Variants in PDE3B observed in about 807,000 individuals in gnomAD.
PDE3B encodes the protein cGMP-inhibited 3',5'-cyclic phosphodiesterase 3B.
A neutral mutation model predicts 116.8 loss-of-function variants in PDE3B; 66 were observed. The ratio of observed to expected loss-of-function variants is 0.56; its 90% CI spans 0.46 to 0.69. The LOEUF is 0.69. PDE3B is among the 30% of genes least tolerant of loss of function. PDE3B has a pLI of 0.00. For missense variants in PDE3B, 1,384 were observed against 1,368.1 expected (o/e 1.01, Z -0.18); for synonymous variants, 595 against 533.6 (o/e 1.12, Z -1.59).
intron 1 of PDE3B, among the ~76,000 whole-genome samples, chr11:14,648,018 A>C (rs1156460012): frequency 6.6e-6 from 1 of 151,744 alleles, no homozygotes; most frequent in East Asian, 1.9e-4. Flanking sequence ...TAATGGAAAG[A>C]AGCACTGAGT....
At chr11:14,867,064 T>TAA (rs76676439) in intron 14 of PDE3B, among the ~76,000 whole-genome samples, 6 of 137,094 alleles carry the variant, frequency 4.4e-5, no homozygotes, top group South Asian at 4.8e-4. Context: ...GTTCTGCTGT[T>TAA]AAAAAAAAAA....
chr11:14,894,915 A>T, the PDE3B span, among the ~76,000 whole-genome samples: 1 of 152,242 alleles, frequency 6.6e-6, no homozygotes, highest in Non-Finnish European at 1.5e-5. Flanking sequence ...TCACTGTTTC[A>T]TGGCTGAGAT....
intron 1 of PDE3B, among the ~76,000 whole-genome samples, chr11:14,702,183 A>T (rs750600393): frequency 4.0e-5 from 6 of 151,630 alleles, no homozygotes; most frequent in Non-Finnish European, 8.9e-5. Flanking sequence ...GAATTATAAA[A>T]ATTGTATTAT....
chr11:14,786,688 C>T lies in PDE3B; in HGVS notation c.1278+3C>T. On this transcript the variant is annotated splice_donor_region_variant and intron_variant, in intron 3 of 15. Coordinates refer to ENST00000282096, the MANE Select transcript of PDE3B (RefSeq NM_000922.4). ...AAGGGGATAGAAAACTTAACAAGGT[C>T]GAAATACAGTAATCATCTAACCCTA... is the stretch of plus-strand genomic sequence containing the variant. The T allele has an allele frequency of 3.7e-6, 6 of 1,603,396 alleles. No homozygotes were observed. Among genetic ancestry groups the T allele is most frequent in the Non-Finnish European group, 4.3e-6 (5 of 1,170,772 alleles).
intron 11 of PDE3B, among the ~76,000 whole-genome samples, chr11:14,841,171 T>G (rs1210127105): frequency 1.3e-5 from 2 of 151,942 alleles, no homozygotes; most frequent in Non-Finnish European, 2.9e-5. Context: ...TGACCTCCTC[T>G]GAGCAAACAG....
At chr11:14,771,891 T>G in intron 1 of PDE3B, 46 bp from the exon 2 acceptor site, 1 of 838,790 alleles carries the variant, frequency 1.2e-6, no homozygotes, top group Non-Finnish European at 1.8e-6. Context: ...TACATATACT[T>G]TTTTGTTTAT....
chr11:14,813,419 A>C (rs1383275101), intron 5 of PDE3B, among the ~76,000 whole-genome samples: 1 of 152,094 alleles, frequency 6.6e-6, no homozygotes, highest in African/African-American at 2.4e-5. Context: ...CTTCATTGCC[A>C]GCAATGTCAG....
chr11:14,704,896 A>C (rs1590074964), intron 1 of PDE3B, among the ~76,000 whole-genome samples: 1 of 151,890 alleles, frequency 6.6e-6, no homozygotes, highest in Non-Finnish European at 1.5e-5. Flanking sequence ...TTGTTCTTTA[A>C]AAGTTATCAA....
downstream of PDE3B, among the ~76,000 whole-genome samples, chr11:14,874,124 T>C (rs192299178): frequency 7.9e-5 from 12 of 152,324 alleles, no homozygotes; most frequent in East Asian, 1.5e-3. Context: ...TGAATTATAG[T>C]ATTTAGAATT....
intron 3 of PDE3B, 125 bp from the exon 4 acceptor site, chr11:14,788,981 T>C (rs1858301665): frequency 1.7e-6 from 1 of 599,744 alleles, no homozygotes. Context: ...GAATAAAATG[T>C]TTCTTTTTTC....
intron 5 of PDE3B, among the ~76,000 whole-genome samples, chr11:14,817,929 T>G (rs1859384211): frequency 6.6e-6 from 1 of 152,158 alleles, no homozygotes; most frequent in Admixed American, 6.5e-5. Flanking sequence ...CTGTTCACAT[T>G]TACCTATTAT....
intron 1 of PDE3B, among the ~76,000 whole-genome samples, chr11:14,730,038 C>T (rs535945395): frequency 5.9e-5 from 9 of 152,256 alleles, no homozygotes; most frequent in Admixed American, 5.2e-4. Flanking sequence ...ACCAAAATCA[C>T]AGCACATCAG....
intron 12 of PDE3B, among the ~76,000 whole-genome samples, chr11:14,846,409 G>T (rs1847603088): frequency 6.6e-6 from 1 of 152,216 alleles, no homozygotes; most frequent in South Asian, 2.1e-4. Flanking sequence ...AGACCATCGA[G>T]GCTAGGAAGA....
At chr11:14,808,660 A>G (rs1053306640) in intron 5 of PDE3B, among the ~76,000 whole-genome samples, 15 of 93,350 alleles carry the variant, frequency 1.6e-4, no homozygotes, top group African/African-American at 3.8e-4. Context: ...ACTGAAACCT[A>G]TTATCACCAA....
intron 13 of PDE3B, 32 bp downstream of exon 13, chr11:14,859,278 A>G (rs782571239): frequency 6.8e-7 from 1 of 1,476,918 alleles, no homozygotes; most frequent in African/African-American, 1.4e-5. Context: ...CTGATTTAAA[A>G]AATCTTTATT....
intron 7 of PDE3B, among the ~76,000 whole-genome samples, chr11:14,829,586 C>G (rs1384273482): frequency 6.6e-6 from 1 of 151,942 alleles, no homozygotes; most frequent in Non-Finnish European, 1.5e-5. Context: ...TGGAGTCAAA[C>G]TAACATAGGA....
intron 1 of PDE3B, among the ~76,000 whole-genome samples, chr11:14,694,200 GA>G (rs1264605057): frequency 1.1e-4 from 17 of 152,292 alleles, no homozygotes; most frequent in Admixed American, 9.2e-4. Context: ...ATCTACTTCT[GA>G]TAAAGATGCT....
intron 1 of PDE3B, among the ~76,000 whole-genome samples, chr11:14,698,131 T>C (rs1317085342): frequency 6.6e-6 from 1 of 151,870 alleles, no homozygotes; most frequent in Non-Finnish European, 1.5e-5. Context: ...AGTGGTAGGT[T>C]TGTGTGTATG....
chr11:14,667,536 T>C (rs146297523), intron 1 of PDE3B, among the ~76,000 whole-genome samples: 2,372 of 151,672 alleles, frequency 0.016, 57 homozygotes, highest in African/African-American at 0.054. Context: ...ATGGCCTTCG[T>C]AGGGACATGG....
Sources: gnomAD v4.1 joint callset for allele counts (sites outside exome capture counted in the v4.1 genomes callset) on GRCh38, gnomAD v4.1.1 for gene constraint, MANE v1.5 for transcripts, NCBI Gene and HGNC (gene_info 2026-07-23, HGNC 2026-07-21) for gene names.